Variants in SLC22A3 observed in about 807,000 individuals in gnomAD.
The protein encoded by SLC22A3 is solute carrier family 22 member 3.
SLC22A3 carries 51 observed loss-of-function variants against 59.1 expected under a neutral mutation model. The observed-to-expected ratio is 0.86, with a 90% CI of 0.69 to 1.09. The LOEUF is 1.09. Among genes scored for constraint, SLC22A3 ranks in the 50% least tolerant of loss-of-function variants. The pLI is 0.00. For missense variants in SLC22A3, 711 were observed against 726.3 expected (o/e 0.98, Z 0.24); for synonymous variants, 325 against 292.0 (o/e 1.11, Z -1.15).
intron 5 of SLC22A3, among the ~76,000 whole-genome samples, chr6:160,414,788 T>G (rs543285267): frequency 1.4e-4 from 22 of 152,314 alleles, no homozygotes; most frequent in Admixed American, 5.9e-4. Flanking sequence ...TACCTCTCAC[T>G]GGGTTCCTCC....
At chr6:160,367,318 G>A (rs1785240471) in intron 1 of SLC22A3, among the ~76,000 whole-genome samples, 1 of 152,118 alleles carries the variant, frequency 6.6e-6, no homozygotes, top group African/African-American at 2.4e-5. Context: ...TCACTATTAT[G>A]AGAAGAGCAG....
chr6:160,361,800 T>C (rs551143619), intron 1 of SLC22A3, among the ~76,000 whole-genome samples: 43 of 152,342 alleles, frequency 2.8e-4, no homozygotes, highest in African/African-American at 9.6e-4. Flanking sequence ...AAGTAAAAGA[T>C]AGCAAGTCTT....
intron 1 of SLC22A3, among the ~76,000 whole-genome samples, chr6:160,360,898 G>A (rs998346350): frequency 6.6e-6 from 1 of 152,202 alleles, no homozygotes; most frequent in African/African-American, 2.4e-5. Context: ...GGCCAAGGGA[G>A]TCATTCTAAT....
chr6:160,434,388 A>C (rs1319401589), intron 5 of SLC22A3, among the ~76,000 whole-genome samples: 1 of 152,236 alleles, frequency 6.6e-6, no homozygotes, highest in Non-Finnish European at 1.5e-5. Context: ...AGGCTCCACC[A>C]ATCAGTTGCC....
intron 1 of SLC22A3, among the ~76,000 whole-genome samples, chr6:160,353,724 C>T (rs564978685): frequency 6.6e-5 from 10 of 152,004 alleles, no homozygotes; most frequent in Non-Finnish European, 1.3e-4. Context: ...AATCAAAAGA[C>T]GAGGGTTGGA....
At chr6:160,419,158 G>T (rs1274727388) in intron 5 of SLC22A3, among the ~76,000 whole-genome samples, 1 of 152,078 alleles carries the variant, frequency 6.6e-6, no homozygotes, top group African/African-American at 2.4e-5. Context: ...ATTAGAAAGT[G>T]TCTTACTGAT....
chr6:160,442,694 T>C lies in SLC22A3; in HGVS notation c.1289-67T>C, dbSNP rs1295645859. On this transcript the variant is annotated intron_variant, in intron 7 of 10. Coordinates refer to ENST00000275300, the MANE Select transcript of SLC22A3 (RefSeq NM_021977.4). ...GAGGCCACTAAGCAAATACTTTTTGTTGTTCTGTAAAATGTTAATGAAATC... is the reference window on the plus strand; with the variant it reads ...GAGGCCACTAAGCAAATACTTTTTGCTGTTCTGTAAAATGTTAATGAAATC... The C allele has an allele frequency of 1.6e-5, 19 of 1,190,446 alleles. No individual in the cohort carries two copies. In the East Asian group the frequency reaches 3.8e-4, roughly 24 times the overall value. The allele number at this position is 1,190,446 out of a possible 1,614,324, so 73.7% of individuals were successfully genotyped here.
chr6:160,421,309 T>A (rs1787726359), intron 5 of SLC22A3, among the ~76,000 whole-genome samples: 1 of 152,178 alleles, frequency 6.6e-6, no homozygotes, highest in Admixed American at 6.5e-5. Flanking sequence ...GCCCTTTCCT[T>A]TCTCACTTAC....
At chr6:160,396,907 A>C (rs1319474181) in intron 1 of SLC22A3, among the ~76,000 whole-genome samples, 1 of 152,236 alleles carries the variant, frequency 6.6e-6, no homozygotes, top group Non-Finnish European at 1.5e-5. Flanking sequence ...GACAAAACCT[A>C]TAAAATATTT....
chr6:160,440,855 C>G (rs192675522), intron 7 of SLC22A3, among the ~76,000 whole-genome samples: 281 of 152,266 alleles, frequency 1.8e-3, no homozygotes, highest in African/African-American at 6.6e-3. Flanking sequence ...ATGTTCCGGA[C>G]AGACCACATC....
At chr6:160,418,243 G>A (rs1192305732) in intron 5 of SLC22A3, among the ~76,000 whole-genome samples, 1 of 152,186 alleles carries the variant, frequency 6.6e-6, no homozygotes, top group Non-Finnish European at 1.5e-5. Context: ...ATGTCTTGCT[G>A]AGTCTTCTAG....
At chr6:160,355,980 G>A (rs1177487654) in intron 1 of SLC22A3, among the ~76,000 whole-genome samples, 2 of 152,200 alleles carry the variant, frequency 1.3e-5, no homozygotes, top group Non-Finnish European at 2.9e-5. Context: ...GTGCTGGAGG[G>A]CCGGCGCTCT....
chr6:160,353,602 A>G (rs1400574201), intron 1 of SLC22A3, among the ~76,000 whole-genome samples: 1 of 152,158 alleles, frequency 6.6e-6, no homozygotes, highest in Non-Finnish European at 1.5e-5. Context: ...GAGGGAAAAG[A>G]TGTTCTATTC....
chr6:160,388,109 C>T (rs923885562), intron 1 of SLC22A3, among the ~76,000 whole-genome samples: 8 of 152,084 alleles, frequency 5.3e-5, no homozygotes, highest in Non-Finnish European at 1.2e-4. Context: ...GCTGAGCCTC[C>T]CCCAGCCTTC....
intron 1 of SLC22A3, among the ~76,000 whole-genome samples, chr6:160,395,732 T>A (rs1786444938): frequency 1.3e-5 from 2 of 152,246 alleles, no homozygotes; most frequent in Admixed American, 1.3e-4. Context: ...ACATCTTGAC[T>A]GATCATCTCA....
chr6:160,400,180 G>A (rs753601276), intron 2 of SLC22A3, among the ~76,000 whole-genome samples: 6 of 150,900 alleles, frequency 4.0e-5, no homozygotes, highest in Admixed American at 2.6e-4. Context: ...GGCAGCCAGA[G>A]GGGAAAAGGA....
intron 2 of SLC22A3, among the ~76,000 whole-genome samples, chr6:160,399,682 T>C (rs1786679784): frequency 1.3e-5 from 2 of 152,196 alleles, no homozygotes; most frequent in South Asian, 4.1e-4. Flanking sequence ...CATTTGTCAA[T>C]GAGAGTACAG....
chr6:160,366,837 A>G (rs937641345), intron 1 of SLC22A3, among the ~76,000 whole-genome samples: 16 of 152,262 alleles, frequency 1.1e-4, no homozygotes, highest in Admixed American at 7.2e-4. Flanking sequence ...ATTGTCCACT[A>G]TCAGCATTTT....
chr6:160,436,733 T>A (rs767348376), intron 5 of SLC22A3, 47 bp from the exon 6 acceptor site: 36 of 1,290,212 alleles, frequency 2.8e-5, no homozygotes, highest in Non-Finnish European at 3.3e-6. Flanking sequence ...TATGCAGGTT[T>A]TTTTTTTTTC....
Sources: allele counts gnomAD v4.1 joint callset (sites outside exome capture counted in the v4.1 genomes callset), GRCh38; gene constraint gnomAD v4.1.1; transcripts MANE v1.5; gene names NCBI Gene and HGNC (gene_info 2026-07-23, HGNC 2026-07-21).